The following PIBF1 variants were observed in gnomAD, a reference collection of about 807,000 sequenced individuals.
PIBF1 encodes the protein progesterone immunomodulatory binding factor 1.
In PIBF1, 90 loss-of-function variants were observed where a neutral mutation model predicts 112.5. That is an observed-to-expected ratio of 0.80 (90% confidence interval 0.67 to 0.95). The LOEUF is 0.95. Among genes scored for constraint, PIBF1 ranks in the 40% least tolerant of loss-of-function variants. PIBF1 has a pLI of 0.00. For missense variants in PIBF1, 915 were observed against 852.3 expected (o/e 1.07, Z -0.92); for synonymous variants, 301 against 288.6 (o/e 1.04, Z -0.44).
intron 10 of PIBF1, among the ~76,000 whole-genome samples, chr13:72,870,461 A>G (rs1369824632): frequency 6.6e-6 from 1 of 152,202 alleles, no homozygotes; most frequent in African/African-American, 2.4e-5. Context: ...AGTATGGACT[A>G]TGGAAAGAGA....
chr13:72,820,796 G>A (rs190400417), intron 5 of PIBF1, among the ~76,000 whole-genome samples: 1 of 152,264 alleles, frequency 6.6e-6, no homozygotes, highest in Admixed American at 6.5e-5. Flanking sequence ...AGGTGGAGTT[G>A]ATGATTGGTT....
chr13:72,951,546 G>A (rs943177487), intron 14 of PIBF1, among the ~76,000 whole-genome samples: 12 of 152,202 alleles, frequency 7.9e-5, no homozygotes, highest in Admixed American at 4.6e-4. Context: ...AAAAGGTAAC[G>A]TTTAAAAATA....
At chr13:72,785,714 C>G (rs1040833919) in intron 2 of PIBF1, among the ~76,000 whole-genome samples, 5 of 152,166 alleles carry the variant, frequency 3.3e-5, no homozygotes, top group African/African-American at 1.2e-4. Flanking sequence ...CTCTCCAGAC[C>G]TTAGTGCAAC....
chr13:72,877,332 C>T (rs1594106727), intron 10 of PIBF1, among the ~76,000 whole-genome samples: 3 of 152,086 alleles, frequency 2.0e-5, no homozygotes, highest in African/African-American at 7.2e-5. Context: ...AGATGTTGGT[C>T]TCTTGGTTTC....
intron 10 of PIBF1, among the ~76,000 whole-genome samples, chr13:72,877,301 T>G (rs1211381898): frequency 1.3e-5 from 2 of 152,182 alleles, no homozygotes; most frequent in Non-Finnish European, 2.9e-5. Context: ...TGTTGAGGGT[T>G]TTTGCATCTA....
At chr13:72,808,866 CT>C (rs1285490130) in intron 5 of PIBF1, among the ~76,000 whole-genome samples, 13 of 152,118 alleles carry the variant, frequency 8.5e-5, no homozygotes, top group African/African-American at 3.1e-4. Context: ...GGAAACTCAC[CT>C]AAATGCTGAA....
chr13:72,851,745 C>G (rs1566358315), intron 9 of PIBF1, among the ~76,000 whole-genome samples: 1 of 152,214 alleles, frequency 6.6e-6, no homozygotes, highest in Non-Finnish European at 1.5e-5. Context: ...CCCATTGCCA[C>G]CTATGGACCA....
At chr13:72,993,724 C>T (rs974828822) in intron 16 of PIBF1, among the ~76,000 whole-genome samples, 9 of 131,142 alleles carry the variant, frequency 6.9e-5, no homozygotes, top group African/African-American at 2.6e-4. Flanking sequence ...CTAGCCTGGG[C>T]GACAGAGCGA....
rs550192274 is a variant in PIBF1 at position 72,892,375 on chromosome 13, T to C, written c.1323-1409T>C. On this transcript the variant is annotated intron_variant, in intron 10 of 17. Transcript: ENST00000326291. The stretch of plus-strand genomic sequence containing the variant: ...ATGGAACTTCCACCGATCTGAGACT[T>C]GAAGTAGCCCATGGTGTATATCTAA... 5.9e-5 allele frequency among the ~76,000 whole-genome samples: 9 copies of C among 152,260 alleles called. 1 individual carries two copies. In the South Asian group the frequency reaches 1.9e-3, roughly 32 times the overall value.
At chr13:72,813,687 C>T (rs897072695) in intron 5 of PIBF1, among the ~76,000 whole-genome samples, 4 of 152,086 alleles carry the variant, frequency 2.6e-5, no homozygotes, top group African/African-American at 7.2e-5. Context: ...GAAACTCAGG[C>T]GAAACTTAAA....
intron 12 of PIBF1, among the ~76,000 whole-genome samples, chr13:72,912,127 T>C (rs553094704): frequency 6.6e-6 from 1 of 152,252 alleles, no homozygotes; most frequent in East Asian, 1.9e-4. Flanking sequence ...GGAAACAGAT[T>C]TCACCATAGA....
At chr13:72,799,104 C>G (rs2035339803) in intron 5 of PIBF1, among the ~76,000 whole-genome samples, 1 of 152,188 alleles carries the variant, frequency 6.6e-6, no homozygotes, top group South Asian at 2.1e-4. Flanking sequence ...CTCTCATTTA[C>G]TGTGTGACCA....
At chr13:72,971,033 A>G (rs1182249948) in intron 15 of PIBF1, among the ~76,000 whole-genome samples, 1 of 152,218 alleles carries the variant, frequency 6.6e-6, no homozygotes, top group South Asian at 2.1e-4. Flanking sequence ...ATTTAATTAT[A>G]GAATACTTTA....
intron 10 of PIBF1, among the ~76,000 whole-genome samples, chr13:72,874,814 G>A (rs1281790734): frequency 6.6e-6 from 1 of 152,048 alleles, no homozygotes; most frequent in Non-Finnish European, 1.5e-5. Context: ...ATTGAAAGGA[G>A]GTACAGATTG....
intron 5 of PIBF1, among the ~76,000 whole-genome samples, chr13:72,811,650 A>G (rs1046860369): frequency 6.6e-6 from 1 of 152,022 alleles, no homozygotes; most frequent in Non-Finnish European, 1.5e-5. Flanking sequence ...CTTGCCGCCA[A>G]TATAAAGTTA....
intron 17 of PIBF1, among the ~76,000 whole-genome samples, chr13:73,001,007 A>C (rs1237198087): frequency 1.3e-5 from 2 of 152,204 alleles, no homozygotes; most frequent in African/African-American, 4.8e-5. Context: ...GTACAAGCTC[A>C]GCTATGTCCT....
rs571957507 is a variant in PIBF1, at chr13:72,840,821, C to T, written c.1223+5453C>T. Among the ~76,000 whole-genome samples, 69 of 152,216 alleles carry T rather than the reference C, an allele frequency of 4.5e-4. No homozygotes were observed. The South Asian group carries it at 7.7e-3, about 17-fold the overall frequency. On this transcript the variant is annotated intron_variant, in intron 9 of 17. Transcript: ENST00000326291. ...GATTACAGGCGTGAGCCACCATGCC[C>T]GGCCCCAATAAACATTTTCTAAAGA...
At chr13:72,873,367 G>A (rs1324555040) in intron 10 of PIBF1, among the ~76,000 whole-genome samples, 1 of 152,072 alleles carries the variant, frequency 6.6e-6, no homozygotes, top group African/African-American at 2.4e-5. Flanking sequence ...TGCATAAATA[G>A]GACATAAAGA....
intron 8 of PIBF1, among the ~76,000 whole-genome samples, chr13:72,833,461 C>G (rs570720919): frequency 6.6e-6 from 1 of 151,830 alleles, no homozygotes; most frequent in Non-Finnish European, 1.5e-5. Flanking sequence ...TTTGAGTGGA[C>G]GTGCTATTCC....
Sources: allele counts gnomAD v4.1 joint callset (sites outside exome capture counted in the v4.1 genomes callset), GRCh38; gene constraint gnomAD v4.1.1; transcripts MANE v1.5; gene names NCBI Gene and HGNC (gene_info 2026-07-23, HGNC 2026-07-21).